The following CNTNAP4 variants were observed in gnomAD, a reference collection of about 807,000 sequenced individuals.
CNTNAP4 encodes the protein contactin associated protein family member 4.
CNTNAP4 carries 98 observed loss-of-function variants against 148.4 expected under a neutral mutation model. The ratio of observed to expected loss-of-function variants is 0.66; its 90% CI spans 0.56 to 0.78. CNTNAP4 has a LOEUF of 0.78. CNTNAP4 is among the 30% of genes least tolerant of loss of function. The pLI is 0.00. For missense variants in CNTNAP4, 1,935 were observed against 1,565.6 expected, an observed-to-expected ratio of 1.24 and a Z score of -3.98; for synonymous variants, 730 against 565.1, an observed-to-expected ratio of 1.29 and a Z score of -4.14.
At chr16:76,354,084 G>A (rs1041294846) in intron 2 of CNTNAP4, among the ~76,000 whole-genome samples, 26 of 152,074 alleles carry the variant, frequency 1.7e-4, no homozygotes, top group African/African-American at 6.3e-4. Flanking sequence ...AAAAGAATGG[G>A]GGAAGAAAAT....
intron 9 of CNTNAP4, among the ~76,000 whole-genome samples, chr16:76,463,958 A>AT (rs963442058): frequency 6.6e-6 from 1 of 152,040 alleles, no homozygotes. Flanking sequence ...TTATTCAATC[A>AT]TTTTTTCAAT....
intron 3 of CNTNAP4, among the ~76,000 whole-genome samples, chr16:76,369,408 A>T (rs942331287): frequency 2.6e-5 from 4 of 152,220 alleles, no homozygotes; most frequent in Non-Finnish European, 5.9e-5. Context: ...TTATGCAATT[A>T]TGGAGACCAA....
In CNTNAP4 at chr16:76,553,426, C is replaced by G; in HGVS notation, c.3586C>G (p.His1196Asp). 6.2e-6 allele frequency: 10 copies of G among 1,612,680 alleles called. No homozygotes were observed. Among genetic ancestry groups the G allele is most frequent in the Non-Finnish European group, 8.5e-6 (10 of 1,179,308 alleles). The change falls in exon 22 of 24, where the codon CAC (histidine) becomes GAC (aspartate). Residue 1196 changes from histidine (H) to aspartate (D), a missense_variant. His to Asp is a moderately conservative substitution (Grantham distance 81). Coordinates refer to ENST00000611870, the MANE Select transcript of CNTNAP4 (RefSeq NM_033401.5). ...SHPDPVTVTG[H>D]VTESSCMAQP... is the part of the protein sequence containing the mutation. Reference sequence around the variant, plus strand: ...CCCAGACCCTGTCACTGTTACAGGACACGTGACTGAGTCCAGCTGTATGGC... The same window carrying G: ...CCCAGACCCTGTCACTGTTACAGGAGACGTGACTGAGTCCAGCTGTATGGC...
At chr16:76,431,804 CT>C (rs35186682) in intron 4 of CNTNAP4, among the ~76,000 whole-genome samples, 54,432 of 151,218 alleles carry the variant, frequency 0.36, 10,354 homozygotes, top group Middle Eastern at 0.51. Context: ...TCCGTTGATC[CT>C]TTTTTTTTCC....
chr16:76,459,209 C>T (rs1364734894), intron 8 of CNTNAP4, among the ~76,000 whole-genome samples: 1 of 152,162 alleles, frequency 6.6e-6, no homozygotes, highest in African/African-American at 2.4e-5. Flanking sequence ...AGAAATTTCT[C>T]TCTAAATGAG....
chr16:76,409,774 C>T, intron 3 of CNTNAP4, among the ~76,000 whole-genome samples: 1 of 151,828 alleles, frequency 6.6e-6, no homozygotes, highest in East Asian at 1.9e-4. Flanking sequence ...AGAGGCGTTG[C>T]TATTTCTCCT....
intron 17 of CNTNAP4, among the ~76,000 whole-genome samples, chr16:76,534,520 C>A (rs939573334): frequency 6.6e-6 from 1 of 152,068 alleles, no homozygotes; most frequent in Middle Eastern, 3.2e-3. Flanking sequence ...ACTCTTTTCC[C>A]GCTTCAAGTT....
chr16:76,498,840 G>C, intron 15 of CNTNAP4, 146 bp downstream of exon 15: 1 of 737,106 alleles, frequency 1.4e-6, no homozygotes, highest in Admixed American at 3.6e-5. Context: ...ACATACATGA[G>C]GTGCCTTTAG....
intron 8 of CNTNAP4, among the ~76,000 whole-genome samples, chr16:76,460,773 A>ATATATATATATATATATATATATAT (rs1555564517): frequency 3.5e-5 from 2 of 57,322 alleles, no homozygotes; most frequent in African/African-American, 1.3e-4. Flanking sequence ...AAAAAAAAAA[A>ATATATATATATATATATATATATAT]ATATATATAT....
chr16:76,379,826 T>C (rs183236646), intron 3 of CNTNAP4, among the ~76,000 whole-genome samples: 66 of 152,348 alleles, frequency 4.3e-4, no homozygotes, highest in African/African-American at 1.4e-3. Flanking sequence ...GGATCCGTAA[T>C]ATTCTTGCTT....
chr16:76,355,840 T>A lies in CNTNAP4; in HGVS notation c.390+329T>A, dbSNP rs866538757. Among the ~76,000 whole-genome samples, 922 of 141,772 alleles carry A rather than the reference T, an allele frequency of 6.5e-3. 9 individuals carry two copies. Among genetic ancestry groups the A allele is most frequent in the African/African-American group, 0.023 (880 of 37,824 alleles). 93.0% of individuals were successfully genotyped at this position (141,772 alleles called of 152,430 possible). A position where few individuals can be genotyped will look rare whatever the true frequency, so the allele number is the denominator to read the frequency against. ...AAAAACATAATAGTCTTGCATTGTC[T>A]TTTATTTATTTATTTATTTATTTAT... On this transcript the variant is annotated intron_variant, in intron 3 of 23. Transcript: ENST00000611870.
At chr16:76,538,684 T>C (rs1568563809) in intron 19 of CNTNAP4, among the ~76,000 whole-genome samples, 2 of 152,058 alleles carry the variant, frequency 1.3e-5, no homozygotes. Flanking sequence ...AGGTGTCTTG[T>C]TGTATGTAAC....
intron 3 of CNTNAP4, among the ~76,000 whole-genome samples, chr16:76,368,567 C>G (rs2014426111): frequency 6.6e-6 from 1 of 152,040 alleles, no homozygotes; most frequent in Non-Finnish European, 1.5e-5. Context: ...CAAACCAACA[C>G]AGGAACAGAA....
intron 3 of CNTNAP4, among the ~76,000 whole-genome samples, chr16:76,407,934 C>T (rs372304213): frequency 6.6e-6 from 1 of 152,120 alleles, no homozygotes; most frequent in East Asian, 1.9e-4. Flanking sequence ...TTTAAAAATT[C>T]ACTCCACAGT....
chr16:76,465,546 G>A (rs186782805), intron 9 of CNTNAP4, among the ~76,000 whole-genome samples: 4 of 152,264 alleles, frequency 2.6e-5, no homozygotes, highest in Admixed American at 6.5e-5. Flanking sequence ...GTCAGGAAAC[G>A]CCACCTGGAG....
In CNTNAP4 at chr16:76,387,046, C is replaced by G. The variant is rs1025598852; in HGVS notation, c.390+31535C>G. 3.4e-5 allele frequency among the ~76,000 whole-genome samples: 3 copies of G among 87,078 alleles called. No individual in the cohort carries two copies. The Admixed American group carries it at 3.9e-4, about 11-fold the overall frequency. 57.1% of individuals were successfully genotyped at this position (87,078 alleles called of 152,430 possible). A position where few individuals can be genotyped will look rare whatever the true frequency, so the allele number is the denominator to read the frequency against. On this transcript the variant is annotated intron_variant, in intron 3 of 23. Transcript: ENST00000611870. ...CAAGGAAATGAATTGTCTCATAAAG[C>G]CTCCAAAAAAAGCATGCATCCTGCT... is the stretch of plus-strand genomic sequence containing the variant.
intron 4 of CNTNAP4, among the ~76,000 whole-genome samples, chr16:76,432,711 T>C (rs1027012065): frequency 7.2e-5 from 11 of 152,226 alleles, no homozygotes; most frequent in Non-Finnish European, 1.5e-4. Context: ...TGTTCTTTAA[T>C]TGTGGATGAA....
intron 2 of CNTNAP4, among the ~76,000 whole-genome samples, chr16:76,319,593 G>T (rs1320746191): frequency 1.3e-5 from 2 of 152,066 alleles, no homozygotes; most frequent in African/African-American, 2.4e-5. Flanking sequence ...TTAAGATGAG[G>T]CCATACTGGA....
intron 3 of CNTNAP4, among the ~76,000 whole-genome samples, chr16:76,391,572 C>A (rs541597544): frequency 6.6e-6 from 1 of 152,172 alleles, no homozygotes; most frequent in Non-Finnish European, 1.5e-5. Flanking sequence ...AATCAACTCA[C>A]GTGCAGTATC....
Sources: allele counts gnomAD v4.1 joint callset (sites outside exome capture counted in the v4.1 genomes callset), GRCh38; gene constraint gnomAD v4.1.1; transcripts MANE v1.5; gene names NCBI Gene and HGNC (gene_info 2026-07-23, HGNC 2026-07-21).